The following PUS10 variants were observed in gnomAD, a reference collection of about 807,000 sequenced individuals.
PUS10 encodes the protein tRNA pseudouridine synthase Pus10.
PUS10 carries 59 observed loss-of-function variants against 75.0 expected under a neutral mutation model. That is an observed-to-expected ratio of 0.79 (90% CI 0.64 to 0.98). The LOEUF is 0.98. Ranked by LOEUF, PUS10 falls within the 50% of genes least tolerant of loss-of-function variation. The pLI, the probability that PUS10 is intolerant of heterozygous loss-of-function variation, is 0.00. For synonymous variants in PUS10, 219 were observed against 211.6 expected, an observed-to-expected ratio of 1.03 and a Z score of -0.30; for missense variants, 650 against 614.4, an observed-to-expected ratio of 1.06 and a Z score of -0.61.
At chr2:60,961,237 G>A (rs1488951446) in intron 10 of PUS10, among the ~76,000 whole-genome samples, 1 of 152,162 alleles carries the variant, frequency 6.6e-6, no homozygotes, top group African/African-American at 2.4e-5. Flanking sequence ...CCTAGGAAGT[G>A]TCATTTCCCT....
chr2:60,956,360 A>G (rs1298755001), intron 11 of PUS10, among the ~76,000 whole-genome samples: 2 of 152,220 alleles, frequency 1.3e-5, no homozygotes, highest in African/African-American at 4.8e-5. Context: ...CTGAAGATGC[A>G]GACTCCTTGG....
chr2:60,947,690 G>A (rs1241335694), intron 16 of PUS10, among the ~76,000 whole-genome samples: 2 of 151,782 alleles, frequency 1.3e-5, no homozygotes, highest in African/African-American at 4.8e-5. Context: ...TTAGTCAGGC[G>A]TGGTGGCAGG....
chr2:60,994,524 C>T (rs1678323050), intron 4 of PUS10, among the ~76,000 whole-genome samples: 2 of 152,160 alleles, frequency 1.3e-5, no homozygotes, highest in African/African-American at 4.8e-5. Flanking sequence ...AAAACCTGAA[C>T]ATAAATGTGA....
chr2:60,955,923 C>A (rs1041814117), intron 11 of PUS10, among the ~76,000 whole-genome samples: 4 of 151,756 alleles, frequency 2.6e-5, no homozygotes, highest in African/African-American at 7.3e-5. Flanking sequence ...GAATTAAACA[C>A]CATGAAAGGA....
chr2:60,981,432 G>T (rs1009023412), intron 4 of PUS10, among the ~76,000 whole-genome samples: 1 of 151,468 alleles, frequency 6.6e-6, no homozygotes, highest in East Asian at 2.0e-4. Flanking sequence ...ACAGGTGCCC[G>T]CCACCACATC....
At chr2:61,002,414 T>C (rs1422370861) in intron 4 of PUS10, among the ~76,000 whole-genome samples, 2 of 152,230 alleles carry the variant, frequency 1.3e-5, no homozygotes, top group African/African-American at 2.4e-5. Context: ...CCAGATATTA[T>C]ACAGTATACT....
intron 2 of PUS10, chr2:61,010,223 CA>C (rs1679509410): frequency 6.6e-6 from 1 of 152,440 alleles, no homozygotes; most frequent in African/African-American, 2.4e-5. Context: ...CAGGGTTACA[CA>C]AAACCAGTCT....
At chr2:60,969,621 G>T (rs1676539196) in intron 5 of PUS10, among the ~76,000 whole-genome samples, 1 of 152,088 alleles carries the variant, frequency 6.6e-6, no homozygotes, top group East Asian at 1.9e-4. Context: ...AATTTTTTTT[G>T]TAAGTTCCCT....
Position 61,011,794 on chromosome 2 carries a change from A to T in PUS10, c.97T>A (p.Phe33Ile), listed in dbSNP as rs1262346817. The T allele has an allele frequency of 2.5e-6, 4 of 1,606,888 alleles. No homozygotes were observed. Among genetic ancestry groups the T allele is most frequent in the Non-Finnish European group, 2.5e-6 (3 of 1,176,812 alleles). The change falls in exon 2 of 18, where the codon TTT becomes ATT. Residue 33 changes from phenylalanine (F) to isoleucine (I), a missense_variant. Physicochemically the swap from Phe to Ile is conservative, Grantham distance 21 (BLOSUM62 0). Transcript: ENST00000316752. The part of the protein sequence containing the change: ...RCIFRFCGVD[F>I]HAPYKLPYKE... ...TATGGAAGTTTGTAAGGTGCATGAA[A>T]ATCCACACCACAGAATCTGAAGATA... is the stretch of plus-strand genomic sequence containing the variant.
intron 8 of PUS10, among the ~76,000 whole-genome samples, 186 bp downstream of exon 8, chr2:60,964,872 T>C (rs752497712): frequency 8.5e-5 from 13 of 152,180 alleles, no homozygotes; most frequent in Non-Finnish European, 1.9e-4. Context: ...TACAACTTCC[T>C]AGCCAGAGGT....
At chr2:61,017,743 G>T (rs1313224138) in intron 1 of PUS10, 3 of 1,547,102 alleles carry the variant, frequency 1.9e-6, no homozygotes, top group Non-Finnish European at 2.6e-6. Flanking sequence ...AGCGGGAGCC[G>T]AGAGGAGGCG....
intron 15 of PUS10, among the ~76,000 whole-genome samples, chr2:60,949,306 T>C (rs570642601): frequency 2.2e-4 from 33 of 152,306 alleles, no homozygotes; most frequent in African/African-American, 7.9e-4. Flanking sequence ...TGGCTTCCAC[T>C]TTAGAGAAAC....
At chr2:60,951,173 C>T (rs368459144) in intron 15 of PUS10, among the ~76,000 whole-genome samples, 1 of 152,100 alleles carries the variant, frequency 6.6e-6, no homozygotes, top group African/African-American at 2.4e-5. Flanking sequence ...TTTTGCCATA[C>T]AATTTGTTTT....
At chr2:60,963,843 T>C (rs924160903) in intron 8 of PUS10, among the ~76,000 whole-genome samples, 1 of 152,178 alleles carries the variant, frequency 6.6e-6, no homozygotes, top group Non-Finnish European at 1.5e-5. Flanking sequence ...TGGCCAATGG[T>C]GTGGTGTCTA....
intron 9 of PUS10, 91 bp downstream of exon 9, chr2:60,962,735 C>G: frequency 6.8e-7 from 1 of 1,480,922 alleles, no homozygotes; most frequent in Non-Finnish European, 9.0e-7. Context: ...TGAAATACAT[C>G]ATCTTGTTTC....
intron 15 of PUS10, among the ~76,000 whole-genome samples, chr2:60,952,310 G>C (rs1184967185): frequency 6.7e-6 from 1 of 149,202 alleles, no homozygotes. Flanking sequence ...CTCCAGCCTG[G>C]GCGACAAGAG....
rs1156545784 is a variant in PUS10, at chr2:60,954,110, G to T, written c.1106C>A (p.Thr369Asn). 6.2e-7 allele frequency: 1 copy of T among 1,614,170 alleles called. No individual in the cohort carries two copies. Among genetic ancestry groups the T allele is most frequent in the Non-Finnish European group, 8.5e-7 (1 of 1,179,994 alleles). Reference protein sequence around the residue: ...ELVNPHRVHFTSQEIKELQQK... With the variant: ...ELVNPHRVHFNSQEIKELQQK... ...CTGAAGTTCCTTAATTTCTTGTGAA[G>T]TGAAATGTACTCTATGAGGATTCAC... The change falls in exon 13 of 18, where the codon ACT becomes AAT. Residue 369 changes from threonine to asparagine, a missense_variant. By Grantham distance (65) the Thr-to-Asn change is moderately conservative. Transcript: ENST00000316752.
chr2:60,973,641 C>T (rs1313888227), intron 4 of PUS10, among the ~76,000 whole-genome samples: 1 of 152,264 alleles, frequency 6.6e-6, no homozygotes, highest in Non-Finnish European at 1.5e-5. Flanking sequence ...CAAGAACAGC[C>T]AGGGCGCCAT....
intron 4 of PUS10, among the ~76,000 whole-genome samples, chr2:60,982,701 T>A (rs891245003): frequency 6.6e-6 from 1 of 152,240 alleles, no homozygotes; most frequent in African/African-American, 2.4e-5. Context: ...TTGTTAAAAT[T>A]TTCAAAGCGT....
Sources: allele counts gnomAD v4.1 joint callset (sites outside exome capture counted in the v4.1 genomes callset), GRCh38; gene constraint gnomAD v4.1.1; transcripts MANE v1.5; gene names NCBI Gene and HGNC (gene_info 2026-07-23, HGNC 2026-07-21).